The following CCDC15 variants were observed in gnomAD, a reference collection of about 807,000 sequenced individuals.
The protein encoded by CCDC15 is coiled-coil domain-containing protein 15.
A neutral mutation model predicts 114.5 loss-of-function variants in CCDC15; 105 were observed. The ratio of observed to expected loss-of-function variants is 0.92; its 90% CI spans 0.78 to 1.08. The LOEUF is 1.08. Ranked by LOEUF, CCDC15 falls within the 50% of genes least tolerant of loss-of-function variation. CCDC15 has a pLI of 0.00. For missense variants in CCDC15, 1,105 were observed against 1,093.6 expected, an observed-to-expected ratio of 1.01 and a Z score of -0.15; for synonymous variants, 334 against 377.8, an observed-to-expected ratio of 0.88 and a Z score of 1.34.
At chr11:124,994,613 C>T (rs1948332230) in intron 11 of CCDC15, among the ~76,000 whole-genome samples, 1 of 152,032 alleles carries the variant, frequency 6.6e-6, no homozygotes, top group African/African-American at 2.4e-5. Context: ...CACCCCATGG[C>T]CAGTACTAGA....
chr11:124,964,937 G>T (rs374414602), intron 4 of CCDC15, among the ~76,000 whole-genome samples: 1 of 151,808 alleles, frequency 6.6e-6, no homozygotes, highest in African/African-American at 2.4e-5. Context: ...ATGTGATGGC[G>T]TACGTTTATT....
At chr11:125,002,164 A>C (rs1237295563) in intron 11 of CCDC15, among the ~76,000 whole-genome samples, 1 of 152,140 alleles carries the variant, frequency 6.6e-6, no homozygotes, top group Admixed American at 6.6e-5. Context: ...AATGATGTTG[A>C]ACACCTTTTC....
intron 4 of CCDC15, among the ~76,000 whole-genome samples, chr11:124,974,772 G>A (rs1252309615): frequency 6.6e-6 from 1 of 152,092 alleles, no homozygotes; most frequent in African/African-American, 2.4e-5. Context: ...GAATGTGTCT[G>A]GTCAGTGATC....
At chr11:125,008,440 T>A (rs1248883922) in intron 13 of CCDC15, among the ~76,000 whole-genome samples, 1 of 152,248 alleles carries the variant, frequency 6.6e-6, no homozygotes, top group African/African-American at 2.4e-5. Flanking sequence ...TTTGTTATTA[T>A]ATGATCATGT....
intron 13 of CCDC15, among the ~76,000 whole-genome samples, chr11:125,019,835 T>C (rs1367409827): frequency 1.3e-5 from 2 of 151,972 alleles, no homozygotes; most frequent in Non-Finnish European, 2.9e-5. Flanking sequence ...TTCTTATTAG[T>C]GATTGCTCTC....
intron 4 of CCDC15, among the ~76,000 whole-genome samples, chr11:124,974,359 A>T (rs1454995281): frequency 6.6e-6 from 1 of 152,220 alleles, no homozygotes; most frequent in Admixed American, 6.5e-5. Context: ...GTGAGATATA[A>T]AATAGGCTGT....
intron 13 of CCDC15, among the ~76,000 whole-genome samples, chr11:125,017,506 A>G (rs982781097): frequency 1.3e-5 from 2 of 152,160 alleles, no homozygotes; most frequent in Non-Finnish European, 2.9e-5. Flanking sequence ...GTGTAAACCT[A>G]CTGTGCTTCC....
intron 13 of CCDC15, among the ~76,000 whole-genome samples, chr11:125,005,806 A>G (rs1209171357): frequency 1.3e-5 from 2 of 152,166 alleles, no homozygotes; most frequent in Non-Finnish European, 2.9e-5. Context: ...TTGGAATCAT[A>G]CAGTATGTAT....
At chr11:125,012,272 G>A (rs558576710) in intron 13 of CCDC15, among the ~76,000 whole-genome samples, 35 of 152,200 alleles carry the variant, frequency 2.3e-4, no homozygotes, top group Non-Finnish European at 4.6e-4. Flanking sequence ...TATGGTCAGA[G>A]ACAGGCCAAA....
At chr11:125,037,859 C>T (rs1176356864) in intron 13 of CCDC15, among the ~76,000 whole-genome samples, 1 of 151,846 alleles carries the variant, frequency 6.6e-6, no homozygotes, top group Non-Finnish European at 1.5e-5. Flanking sequence ...GAAGCAGAAT[C>T]CCTGTTTACT....
chr11:125,011,903 G>A (rs1183425251), intron 13 of CCDC15, among the ~76,000 whole-genome samples: 1 of 152,172 alleles, frequency 6.6e-6, no homozygotes, highest in African/African-American at 2.4e-5. Context: ...GAACATGAGT[G>A]GAGAGTCAGC....
At chr11:124,957,808 C>T (rs966298363) in intron 2 of CCDC15, among the ~76,000 whole-genome samples, 2 of 151,958 alleles carry the variant, frequency 1.3e-5, no homozygotes, top group Admixed American at 1.3e-4. Context: ...TTAATGACAG[C>T]CTGTAAAATG....
chr11:125,003,027 A>G (rs1054239577), intron 11 of CCDC15, among the ~76,000 whole-genome samples: 1 of 152,042 alleles, frequency 6.6e-6, no homozygotes, highest in Admixed American at 6.6e-5. Context: ...GTCCATAAAC[A>G]TGGGATGTCT....
At chr11:124,989,274 G>C (rs568462692) in intron 8 of CCDC15, among the ~76,000 whole-genome samples, 1 of 152,142 alleles carries the variant, frequency 6.6e-6, no homozygotes, top group Admixed American at 6.5e-5. Context: ...AGTTTAAAAG[G>C]CATCTTTATT....
intron 11 of CCDC15, among the ~76,000 whole-genome samples, chr11:124,999,437 A>G (rs1948433670): frequency 6.6e-6 from 1 of 151,520 alleles, no homozygotes; most frequent in African/African-American, 2.4e-5. Flanking sequence ...CAGATGCATC[A>G]TTTACATGCT....
At chr11:125,010,733 C>T (rs1948585037) in intron 13 of CCDC15, among the ~76,000 whole-genome samples, 1 of 152,140 alleles carries the variant, frequency 6.6e-6, no homozygotes, top group African/African-American at 2.4e-5. Flanking sequence ...ATATCTTCTA[C>T]CATTCTGTAG....
At chr11:125,003,826 T>G in intron 11 of CCDC15, 41 bp from the exon 12 acceptor site, 2 of 1,181,890 alleles carry the variant, frequency 1.7e-6, no homozygotes, top group South Asian at 3.1e-5. Flanking sequence ...GGGTAGTTTT[T>G]GGTAATTTTG....
rs112548214 is a variant in CCDC15 at position 125,008,778 on chromosome 11, C to T, written c.2411+3566C>T. The stretch of plus-strand genomic sequence containing the variant: ...CGTGATCTCGGCTCACTGCAACCTC[C>T]GCCTCCCTGGTTCAAGAGATTCTCC... On this transcript the variant is annotated intron_variant, in intron 13 of 15. Coordinates refer to ENST00000344762, the MANE Select transcript of CCDC15 (RefSeq NM_025004.3). Among the ~76,000 whole-genome samples, 42 of 151,696 alleles carry T rather than the reference C, an allele frequency of 2.8e-4. 1 individual carries two copies. The highest frequency in any genetic ancestry group is 1.0e-3 in the African/African-American group (42 of 41,354).
intron 13 of CCDC15, among the ~76,000 whole-genome samples, chr11:125,010,539 T>G (rs1057495703): frequency 1.3e-5 from 2 of 152,120 alleles, no homozygotes; most frequent in African/African-American, 4.8e-5. Flanking sequence ...TTTTGTATTT[T>G]TAGTAGAGAC....
Sources: allele counts gnomAD v4.1 joint callset (sites outside exome capture counted in the v4.1 genomes callset), GRCh38; gene constraint gnomAD v4.1.1; transcripts MANE v1.5; gene names NCBI Gene and HGNC (gene_info 2026-07-23, HGNC 2026-07-21).